ZFHX3: variants seen among roughly 807,000 people sequenced by gnomAD.
The protein encoded by ZFHX3 is zinc finger homeobox 3, also known as zinc finger homeobox protein 3.
A neutral mutation model predicts 279.1 loss-of-function variants in ZFHX3; 42 were observed. That is an observed-to-expected ratio of 0.15 (90% CI 0.12 to 0.19). The LOEUF is 0.19. Among genes scored for constraint, ZFHX3 ranks in the 10% least tolerant of loss-of-function variants. ZFHX3 has a pLI of 1.00. For missense variants in ZFHX3, 4,981 were observed against 4,754.0 expected, an observed-to-expected ratio of 1.05 and a Z score of -1.40; for synonymous variants, 2,293 against 1,957.8, an observed-to-expected ratio of 1.17 and a Z score of -4.52.
Position 73,143,887 on chromosome 16 carries a change from C to A in ZFHX3, c.-1103-56G>T. ...GTTGGGGAGATGTTTGGCAAACCTTCGCAGGCCAAGTGGCTAATGAATGAT... is the reference window on the plus strand; with the variant it reads ...GTTGGGGAGATGTTTGGCAAACCTTAGCAGGCCAAGTGGCTAATGAATGAT... On this transcript the variant is annotated intron_variant, in intron 5 of 17. Coordinates refer to the ZFHX3 transcript ENST00000641206. 18 of 752,374 alleles carry A rather than the reference C, an allele frequency of 2.4e-5. No homozygotes were observed. In the South Asian group the frequency reaches 2.6e-4, roughly 11 times the overall value. 46.6% of individuals were successfully genotyped at this position (752,374 alleles called of 1,614,324 possible). A position where few individuals can be genotyped will look rare whatever the true frequency, so the allele number is the denominator to read the frequency against.
chr16:73,132,887 C>T (rs548580855), intron 6 of ZFHX3, among the ~76,000 whole-genome samples: 23 of 152,296 alleles, frequency 1.5e-4, no homozygotes, highest in Admixed American at 5.2e-4. Flanking sequence ...CTCTCGTCTT[C>T]GTCAGCAAGT....
chr16:73,537,079 C>T (rs1396107094), intron 2 of ZFHX3, among the ~76,000 whole-genome samples: 1 of 152,054 alleles, frequency 6.6e-6, no homozygotes, highest in African/African-American at 2.4e-5. Context: ...ACATGCTGGG[C>T]GAATAAGAGA....
intron 7 of ZFHX3, chr16:73,093,683 A>G: frequency 5.3e-6 from 2 of 375,770 alleles, no homozygotes; most frequent in Non-Finnish European, 1.1e-5. Context: ...CTGATTAAAT[A>G]CAGGACATTA....
At chr16:73,085,683 A>G (rs966403494) in intron 8 of ZFHX3, among the ~76,000 whole-genome samples, 4 of 152,196 alleles carry the variant, frequency 2.6e-5, no homozygotes, top group Non-Finnish European at 5.9e-5. Context: ...ACATCAATCA[A>G]AATAGACTAA....
intron 2 of ZFHX3, among the ~76,000 whole-genome samples, chr16:73,589,499 T>TG (rs2051969014): frequency 6.7e-6 from 1 of 148,288 alleles, no homozygotes; most frequent in Non-Finnish European, 1.5e-5. Flanking sequence ...TGGGAGGCTG[T>TG]GGTGGGTGGA....
intron 2 of ZFHX3, among the ~76,000 whole-genome samples, chr16:73,590,711 TGTTTA>T (rs935795273): frequency 6.6e-6 from 1 of 152,210 alleles, no homozygotes; most frequent in African/African-American, 2.4e-5. Context: ...GAAATTATTT[TGTTTA>T]GTTTTGTTTT....
intron 7 of ZFHX3, chr16:73,093,635 C>A (rs188225860): frequency 4.1e-6 from 2 of 488,956 alleles, no homozygotes; most frequent in Non-Finnish European, 8.2e-6. Flanking sequence ...TGAGTGAACT[C>A]GGCCTCTCCC....
chr16:73,122,843 C>T (rs1051936170), intron 7 of ZFHX3, among the ~76,000 whole-genome samples: 2 of 151,996 alleles, frequency 1.3e-5, no homozygotes, highest in Admixed American at 6.6e-5. Flanking sequence ...TGTGGAGGAG[C>T]GAGAAGGAGA....
At chr16:73,349,250 T>G (rs1043253769) in intron 3 of ZFHX3, among the ~76,000 whole-genome samples, 2 of 152,112 alleles carry the variant, frequency 1.3e-5, no homozygotes, top group African/African-American at 4.8e-5. Flanking sequence ...TCCCCGGGAA[T>G]TCCCCCAGCT....
Position 72,788,607 on chromosome 16 carries a change from C to T in ZFHX3, c.9669G>A (p.Gln3223=). The T allele has an allele frequency of 5.0e-6, 8 of 1,613,486 alleles. No homozygotes were observed. Among genetic ancestry groups the T allele is most frequent in the Non-Finnish European group, 6.8e-6 (8 of 1,179,832 alleles). ...GTTGCTGCTGCTGTTGCAGTGGGAG[C>T]TGTGGTGTGGGTGGCGGCTGGGCTG... is the stretch of plus-strand genomic sequence containing the variant. ...PPAAQPPPTP[Q]LPLQQQQQRK... is the part of the protein sequence containing the mutation. Residue 3223 remains glutamine (Q), a synonymous_variant, in exon 10 of 10, where the codon CAG becomes CAA. Coordinates refer to ENST00000268489, the MANE Select transcript of ZFHX3 (RefSeq NM_006885.4).
chr16:73,507,544 G>A (rs1324511732), intron 2 of ZFHX3, among the ~76,000 whole-genome samples: 4 of 135,102 alleles, frequency 3.0e-5, no homozygotes, highest in African/African-American at 1.1e-4. Flanking sequence ...TTCCCAGGCT[G>A]GAGTACAGTG....
rs115784387 is a variant in ZFHX3, at chr16:73,667,729, T to A, written c.-1547+12451A>T. ...AAATTTAGTTGCACATAATATAGACTGAACCAACACATAATCTCATTTTGA... is the reference window on the plus strand; with the variant it reads ...AAATTTAGTTGCACATAATATAGACAGAACCAACACATAATCTCATTTTGA... On this transcript the variant is annotated intron_variant, in intron 2 of 17. Coordinates refer to the ZFHX3 transcript ENST00000641206. Among the ~76,000 whole-genome samples the A allele has an allele frequency of 4.1e-4, 62 of 152,336 alleles. 1 individual carries two copies. Among genetic ancestry groups the A allele is most frequent in the African/African-American group, 1.5e-3 (62 of 41,580 alleles).
intron 3 of ZFHX3, among the ~76,000 whole-genome samples, chr16:73,419,411 T>G (rs556814835): frequency 6.6e-6 from 1 of 152,346 alleles, no homozygotes; most frequent in East Asian, 1.9e-4. Flanking sequence ...CAACACTGAC[T>G]GTATGTAACA....
intron 2 of ZFHX3, among the ~76,000 whole-genome samples, chr16:73,626,345 T>G (rs1317693587): frequency 6.6e-6 from 1 of 152,098 alleles, no homozygotes; most frequent in Non-Finnish European, 1.5e-5. Flanking sequence ...GCCTTTGGTT[T>G]CCTTGAATCC....
At position 73,431,488 on chromosome 16, in the gene ZFHX3, C is replaced by T. The variant is rs547343712; in HGVS notation, c.-1291+24515G>A. On this transcript the variant is annotated intron_variant, in intron 3 of 17. Coordinates refer to the ZFHX3 transcript ENST00000641206. ...CCCAGGAGGTGTACGTTGCAGTGCG[C>T]CAAGATCACACCACTGCATTCCAGC... is the stretch of plus-strand genomic sequence containing the variant. Among the ~76,000 whole-genome samples the T allele has an allele frequency of 5.3e-5, 8 of 152,182 alleles. No individual in the cohort carries two copies. The East Asian group carries it at 1.5e-3, about 29-fold the overall frequency.
intron 1 of ZFHX3, among the ~76,000 whole-genome samples, chr16:73,765,519 C>T (rs187852051): frequency 5.0e-4 from 76 of 152,314 alleles, no homozygotes; most frequent in South Asian, 1.0e-3. Flanking sequence ...ATCAACTGTT[C>T]ATGGCTCTTG....
At position 73,882,692 on chromosome 16, in the gene ZFHX3, A is replaced by G. The variant is rs139031882; in HGVS notation, c.-1608+8959T>C. ...ACCCACATCAACCACGATTGAATGAAAAAAGATAGCTTTCACCCATTTTCC... is the reference window on the plus strand; with the variant it reads ...ACCCACATCAACCACGATTGAATGAGAAAAGATAGCTTTCACCCATTTTCC... On this transcript the variant is annotated intron_variant, in intron 1 of 17. Coordinates refer to the ZFHX3 transcript ENST00000641206. 5.7e-3 allele frequency among the ~76,000 whole-genome samples: 864 copies of G among 152,272 alleles called. 8 individuals are homozygous for G. Among genetic ancestry groups the G allele is most frequent in the African/African-American group, 0.019 (798 of 41,564 alleles).
intron 5 of ZFHX3, among the ~76,000 whole-genome samples, chr16:73,239,401 T>C (rs1421014839): frequency 6.6e-6 from 1 of 152,244 alleles, no homozygotes; most frequent in Admixed American, 6.5e-5. Context: ...GCAGAGTTCC[T>C]GGGAGGAAAC....
intron 4 of ZFHX3, among the ~76,000 whole-genome samples, chr16:72,888,238 A>G (rs1176000425): frequency 6.6e-6 from 1 of 152,218 alleles, no homozygotes; most frequent in African/African-American, 2.4e-5. Flanking sequence ...ATTAAGGTTA[A>G]AACTGCACAC....
Sources: allele counts gnomAD v4.1 joint callset (sites outside exome capture counted in the v4.1 genomes callset), GRCh38; gene constraint gnomAD v4.1.1; transcripts MANE v1.5; gene names NCBI Gene and HGNC (gene_info 2026-07-23, HGNC 2026-07-21).